Variants in IRGM observed in about 807,000 individuals in gnomAD.
The protein encoded by IRGM is immunity related GTPase M.
For synonymous variants in IRGM, 98 were observed against 80.6 expected (o/e 1.22, Z -1.16); for missense variants, 288 against 219.9 (o/e 1.31, Z -1.96).
rs374095029 is a variant in IRGM, at chr5:150,898,888, T to G, written c.*141-1701T>G. Among the ~76,000 whole-genome samples the G allele has an allele frequency of 3.0e-4, 45 of 152,098 alleles. 1 individual carries two copies. Among genetic ancestry groups the G allele is most frequent in the African/African-American group, 1.0e-3 (42 of 41,524 alleles). ...GAAATATTATGGGTTGAGTTGTATC[T>G]CCTGAATATTTATATGTTGAAGTCC... On this transcript the variant is annotated intron_variant and NMD_transcript_variant, in intron 3 of 3. Transcript: ENST00000520549.
intron 1 of IRGM, among the ~76,000 whole-genome samples, chr5:150,864,991 TTCCCATCTC>T (rs951742521): frequency 1.3e-5 from 2 of 152,202 alleles, no homozygotes; most frequent in African/African-American, 4.8e-5. Context: ...CACAGACCAT[TTCCCATCTC>T]TCCCATCTCT....
chr5:150,848,885 G>A (rs1048557744), downstream of IRGM, among the ~76,000 whole-genome samples: 2 of 151,954 alleles, frequency 1.3e-5, no homozygotes, highest in African/African-American at 4.8e-5. Flanking sequence ...TTCCCTTCAC[G>A]GAACTCTCCA....
At chr5:150,866,333 G>A (rs1474405094) in intron 1 of IRGM, among the ~76,000 whole-genome samples, 1 of 152,214 alleles carries the variant, frequency 6.6e-6, no homozygotes, top group Non-Finnish European at 1.5e-5. Flanking sequence ...ACCACATTTA[G>A]GGAGAAGAGA....
chr5:150,855,850 C>T (rs1250563407), intron 1 of IRGM, among the ~76,000 whole-genome samples: 1 of 152,080 alleles, frequency 6.6e-6, no homozygotes, highest in East Asian at 1.9e-4. Context: ...GGCAAAAACA[C>T]AGAAACAATA....
chr5:150,895,381 T>G, intron 3 of IRGM: 1 of 1,400,480 alleles, frequency 7.1e-7, no homozygotes, highest in Non-Finnish European at 9.6e-7. Flanking sequence ...CTAGTAATTA[T>G]TAAGGCTTGA....
intron 3 of IRGM, among the ~76,000 whole-genome samples, chr5:150,886,260 A>T (rs1754520512): frequency 6.6e-6 from 1 of 152,010 alleles, no homozygotes; most frequent in Non-Finnish European, 1.5e-5. Context: ...AGCCTACTTG[A>T]TCGTGGTGTA....
chr5:150,876,321 C>A (rs1754362133), intron 1 of IRGM, among the ~76,000 whole-genome samples: 1 of 152,190 alleles, frequency 6.6e-6, no homozygotes, highest in Admixed American at 6.5e-5. Flanking sequence ...CTCTCCATCA[C>A]CTCTAATGAC....
intron 3 of IRGM, among the ~76,000 whole-genome samples, chr5:150,893,804 G>A (rs1754659084): frequency 6.6e-6 from 1 of 152,030 alleles, no homozygotes; most frequent in Non-Finnish European, 1.5e-5. Context: ...CTACCCAAAT[G>A]CTACATAGTA....
rs34104883 is a variant in IRGM at position 150,881,127 on chromosome 5, CAAA to C, written c.*140+1493_*140+1495del. On this transcript the variant is annotated intron_variant and NMD_transcript_variant, in intron 3 of 3. Coordinates refer to the IRGM transcript ENST00000520549. ...GGGTGACAAAAGCGAAACTCCATAT[CAAA>C]AAAAAAAAAAATAGCTTCGATTTTT... 4.1e-3 allele frequency among the ~76,000 whole-genome samples: 559 copies of C among 134,700 alleles called. 3 individuals are homozygous for C. Among genetic ancestry groups the C allele is most frequent in the African/African-American group, 0.013 (511 of 38,428 alleles). The allele number at this position is 134,700 out of a possible 152,430, so 88.4% of individuals were successfully genotyped here.
intron 3 of IRGM, among the ~76,000 whole-genome samples, chr5:150,891,399 G>A (rs988649208): frequency 1.3e-5 from 2 of 151,618 alleles, no homozygotes; most frequent in African/African-American, 4.8e-5. Flanking sequence ...TCCCCTAATT[G>A]GTGTCTTTAG....
intron 3 of IRGM, among the ~76,000 whole-genome samples, chr5:150,879,833 G>A (rs1327726681): frequency 5.9e-5 from 9 of 152,190 alleles, no homozygotes; most frequent in Non-Finnish European, 1.5e-5. Flanking sequence ...TTCTTAGGGT[G>A]GCTTCTTCAG....
chr5:150,898,689 G>C, intron 3 of IRGM: 1 of 943,566 alleles, frequency 1.1e-6, no homozygotes, highest in Non-Finnish European at 1.5e-6. Flanking sequence ...TTTTTAGCAA[G>C]CAGAGCCAGG....
chr5:150,863,407 G>A (rs1410350092), intron 1 of IRGM, among the ~76,000 whole-genome samples: 1 of 152,126 alleles, frequency 6.6e-6, no homozygotes, highest in Non-Finnish European at 1.5e-5. Context: ...TTCTATTCGA[G>A]GCTGATGATA....
At chr5:150,886,019 T>C (rs539887599) in intron 3 of IRGM, among the ~76,000 whole-genome samples, 140 of 152,232 alleles carry the variant, frequency 9.2e-4, no homozygotes, top group African/African-American at 3.2e-3. Context: ...CTTTTGCCCA[T>C]GCAGTATGAT....
chr5:150,848,565 C>G lies in IRGM; in HGVS notation c.442C>G (p.Leu148Val). 2 of 1,551,788 alleles carry G rather than the reference C, an allele frequency of 1.3e-6. No individual in the cohort carries two copies. Among genetic ancestry groups the G allele is most frequent in the East Asian group, 4.9e-5 (2 of 41,060 alleles). ...GAAGTTCTACATTGTCTGGACCAAGCTAGACATGGACCTCAGCACAGGTGC... is the reference window on the plus strand; with the variant it reads ...GAAGTTCTACATTGTCTGGACCAAGGTAGACATGGACCTCAGCACAGGTGC... ...GKKFYIVWTK[L>V]DMDLSTGALP... The change falls in exon 2 of 2, where the codon CTA becomes GTA. Residue 148 changes from leucine to valine, a missense_variant. Transcript: ENST00000522154.
intron 1 of IRGM, among the ~76,000 whole-genome samples, chr5:150,864,850 G>C (rs1754184678): frequency 6.6e-6 from 1 of 152,156 alleles, no homozygotes; most frequent in Non-Finnish European, 1.5e-5. Context: ...AAGACCATGG[G>C]ACAGGGAAAC....
In IRGM at chr5:150,888,528, G is replaced by A. The variant is rs568526987; in HGVS notation, c.*140+8882G>A. ...TACATTCTTCTCATTGCCACATGGTGCACACTCTAAAATTGGCCACATAAT... is the reference window on the plus strand; with the variant it reads ...TACATTCTTCTCATTGCCACATGGTACACACTCTAAAATTGGCCACATAAT... On this transcript the variant is annotated intron_variant and NMD_transcript_variant, in intron 3 of 3. Coordinates refer to the IRGM transcript ENST00000520549. Among the ~76,000 whole-genome samples the A allele has an allele frequency of 2.7e-4, 41 of 152,024 alleles. No homozygotes were observed. In the South Asian group the frequency reaches 6.7e-3, roughly 25 times the overall value.
chr5:150,886,323 T>C (rs1754521847), intron 3 of IRGM, among the ~76,000 whole-genome samples: 1 of 152,156 alleles, frequency 6.6e-6, no homozygotes, highest in Non-Finnish European at 1.5e-5. Flanking sequence ...GTTGAGGATT[T>C]TTGCATCAAT....
At chr5:150,893,001 G>A (rs894114922) in intron 3 of IRGM, among the ~76,000 whole-genome samples, 4 of 151,740 alleles carry the variant, frequency 2.6e-5, no homozygotes, top group African/African-American at 4.8e-5. Context: ...AGATCACAGC[G>A]TTTTTTTATT....
Sources: allele counts gnomAD v4.1 joint callset (sites outside exome capture counted in the v4.1 genomes callset), GRCh38; gene constraint gnomAD v4.1.1; transcripts MANE v1.5; gene names NCBI Gene and HGNC (gene_info 2026-07-23, HGNC 2026-07-21).